KIAA1549L: variants seen among roughly 807,000 people sequenced by gnomAD.
KIAA1549L encodes UPF0606 protein KIAA1549L.
KIAA1549L carries 88 observed loss-of-function variants against 160.7 expected under a neutral mutation model. That is an observed-to-expected ratio of 0.55 (90% CI 0.46 to 0.65). The LOEUF is 0.65. Among genes scored for constraint, KIAA1549L ranks in the 30% least tolerant of loss-of-function variants. KIAA1549L has a pLI of 0.00. For missense variants in KIAA1549L, 2,258 were observed against 2,437.5 expected (o/e 0.93, Z 1.55); for synonymous variants, 950 against 976.7 (o/e 0.97, Z 0.51).
rs12288810 is a variant in KIAA1549L at position 33,659,654 on chromosome 11, T to C, written c.6007+756T>C. ...TTGCCAGCACTTAGTAAAGCATTCA[T>C]GGTGTCTAGAAATTCCACCAGTGAA... On this transcript the variant is annotated intron_variant, in intron 19 of 20. Coordinates refer to ENST00000658780, the MANE Select transcript of KIAA1549L (RefSeq NM_012194.3). Among the ~76,000 whole-genome samples, 747 of 152,372 alleles carry C rather than the reference T, an allele frequency of 4.9e-3. 7 individuals carry two copies. The highest frequency in any genetic ancestry group is 9.1e-3 in the African/African-American group (380 of 41,592).
chr11:33,377,329 C>G (rs959484795), intron 1 of KIAA1549L, among the ~76,000 whole-genome samples: 3 of 152,138 alleles, frequency 2.0e-5, no homozygotes, highest in African/African-American at 7.2e-5. Context: ...AACACAGTTT[C>G]TCCTGTGTTG....
chr11:33,495,934 A>G (rs1227152739), intron 1 of KIAA1549L, among the ~76,000 whole-genome samples: 1 of 151,986 alleles, frequency 6.6e-6, no homozygotes, highest in African/African-American at 2.4e-5. Flanking sequence ...TCTTTTGAGA[A>G]GTGTCTGTTC....
chr11:33,671,616 A>ACACACACACACACACACACC lies in KIAA1549L; in HGVS notation c.*3463_*3464insACACACACACACACACACCC, dbSNP rs1374560127. ...CACACACACACACACACACACACAC[A>ACACACACACACACACACACC]CCCTACTTCGGAGAGAGAATGTAGA... On this transcript the variant is annotated 3_prime_UTR_variant, in exon 21 of 21. Coordinates refer to ENST00000658780, the MANE Select transcript of KIAA1549L (RefSeq NM_012194.3). 7 of 150,878 alleles carry ACACACACACACACACACACC rather than the reference A, an allele frequency of 4.6e-5. No homozygotes were observed. The highest frequency in any genetic ancestry group is 1.7e-4 in the African/African-American group (7 of 40,754). The allele number at this position is 150,878 out of a possible 1,614,324, so 9.3% of individuals were successfully genotyped here. A position where few individuals can be genotyped will look rare whatever the true frequency, so the allele number is the denominator to read the frequency against.
intron 16 of KIAA1549L, among the ~76,000 whole-genome samples, chr11:33,631,171 A>T (rs533405796): frequency 2.6e-5 from 4 of 152,160 alleles, no homozygotes; most frequent in Admixed American, 1.3e-4. Flanking sequence ...CTCTTGTTCA[A>T]AATCCTCCAG....
intron 1 of KIAA1549L, among the ~76,000 whole-genome samples, chr11:33,525,432 T>C (rs10219258): frequency 0.21 from 31,259 of 152,014 alleles, 3,478 homozygotes; most frequent in East Asian, 0.34. Flanking sequence ...GTCCCTAGCT[T>C]GAGCCCAGGG....
chr11:33,542,808 G>C lies in KIAA1549L; in HGVS notation c.1245G>C (p.Glu415Asp). 1 of 1,613,902 alleles carries C rather than the reference G, an allele frequency of 6.2e-7. No individual in the cohort carries two copies. Among genetic ancestry groups the C allele is most frequent in the South Asian group, 1.1e-5 (1 of 91,078 alleles). ...AGAATACAGAAACAGCGACCCATGA[G>C]GCTGAGCCTCCACTTTTCCAGACTG... The part of the protein sequence containing the change: ...TFKNTETATH[E>D]AEPPLFQTAE... The change falls in exon 2 of 21, where the codon GAG (glutamate) becomes GAC (aspartate). Residue 415 changes from glutamate to aspartate, a missense_variant. Glu to Asp is a conservative substitution (Grantham distance 45). Around this residue, in one of 6 missense-constraint regions of KIAA1549L, gnomAD observed 540 missense variants for 465.7 expected, o/e 1.16. Coordinates refer to ENST00000658780, the MANE Select transcript of KIAA1549L (RefSeq NM_012194.3).
chr11:33,542,441 C>T lies in KIAA1549L; in HGVS notation c.878C>T (p.Pro293Leu). 2 of 1,600,500 alleles carry T rather than the reference C, an allele frequency of 1.2e-6. No homozygotes were observed. Among genetic ancestry groups the T allele is most frequent in the Non-Finnish European group, 1.7e-6 (2 of 1,172,382 alleles). ...CAGAACATAGCTAATCCCTTAATCC[C>T]ATTTTCTGATGAAATGGACCACACT... is the stretch of plus-strand genomic sequence containing the variant. ...LGQNIANPLI[P>L]FSDEMDHTAS... is the part of the protein sequence containing the mutation. Residue 293 changes from proline to leucine, a missense_variant, in exon 2 of 21, where the codon CCA becomes CTA. By Grantham distance (98) the Pro-to-Leu change is moderately conservative. Coordinates refer to ENST00000658780, the MANE Select transcript of KIAA1549L (RefSeq NM_012194.3).
intron 1 of KIAA1549L, among the ~76,000 whole-genome samples, chr11:33,425,598 G>C (rs1262570969): frequency 6.6e-6 from 1 of 152,164 alleles, no homozygotes; most frequent in Non-Finnish European, 1.5e-5. Context: ...GTACAATGAA[G>C]ACAGCATTTG....
chr11:33,549,381 G>T (rs1372450562), intron 4 of KIAA1549L, among the ~76,000 whole-genome samples: 1 of 152,144 alleles, frequency 6.6e-6, no homozygotes, highest in Non-Finnish European at 1.5e-5. Context: ...TTTAAAAAAG[G>T]AATTAGCAAG....
intron 1 of KIAA1549L, among the ~76,000 whole-genome samples, chr11:33,496,870 T>C (rs886596293): frequency 2.0e-5 from 3 of 152,212 alleles, no homozygotes; most frequent in African/African-American, 7.2e-5. Context: ...TCTTACTTTG[T>C]ATAATTCTTC....
intron 1 of KIAA1549L, among the ~76,000 whole-genome samples, chr11:33,527,831 C>T (rs1178191859): frequency 6.6e-6 from 1 of 152,148 alleles, no homozygotes; most frequent in African/African-American, 2.4e-5. Context: ...GTACATATTA[C>T]AAATGGTAAT....
intron 1 of KIAA1549L, among the ~76,000 whole-genome samples, chr11:33,528,281 ACCTTACT>A (rs1215684650): frequency 1.3e-5 from 2 of 152,292 alleles, no homozygotes; most frequent in East Asian, 3.9e-4. Context: ...ATGCAATACC[ACCTTACT>A]CCTGCAAGAA....
At chr11:33,564,284 C>T (rs1854973708) in intron 8 of KIAA1549L, among the ~76,000 whole-genome samples, 1 of 152,164 alleles carries the variant, frequency 6.6e-6, no homozygotes, top group Admixed American at 6.5e-5. Context: ...GCCTTTACTC[C>T]CAGACATGCA....
At chr11:33,554,315 A>G (rs1043916589) in intron 6 of KIAA1549L, among the ~76,000 whole-genome samples, 1 of 152,354 alleles carries the variant, frequency 6.6e-6, no homozygotes, top group South Asian at 2.1e-4. Flanking sequence ...AACAACTTGT[A>G]TAGGTTTGGT....
intron 1 of KIAA1549L, among the ~76,000 whole-genome samples, chr11:33,392,090 C>T (rs186436400): frequency 4.1e-4 from 62 of 152,236 alleles, no homozygotes; most frequent in Admixed American, 3.7e-3. Flanking sequence ...ATTGAGAGAA[C>T]ATGTAAAAAC....
At chr11:33,538,765 T>C (rs2133165681) in intron 1 of KIAA1549L, among the ~76,000 whole-genome samples, 1 of 152,348 alleles carries the variant, frequency 6.6e-6, no homozygotes, top group East Asian at 1.9e-4. Flanking sequence ...ATAGATATTT[T>C]ACATGTAGAT....
chr11:33,417,793 T>G (rs1397465937), intron 1 of KIAA1549L, among the ~76,000 whole-genome samples: 2 of 152,148 alleles, frequency 1.3e-5, no homozygotes, highest in Non-Finnish European at 2.9e-5. Flanking sequence ...TTTTTGTTTC[T>G]TTTCTACACA....
At chr11:33,547,930 G>C in intron 4 of KIAA1549L, 51 bp downstream of exon 4, 1 of 1,166,638 alleles carries the variant, frequency 8.6e-7, no homozygotes, top group Non-Finnish European at 1.3e-6. Flanking sequence ...CTGGCTCTTG[G>C]GTCTAGAATA....
intron 16 of KIAA1549L, among the ~76,000 whole-genome samples, chr11:33,630,109 G>GGTC (rs1233266117): frequency 6.6e-6 from 1 of 151,826 alleles, no homozygotes; most frequent in Admixed American, 6.5e-5. Context: ...AGGGGTCAGG[G>GGTC]ACCCACTTGA....
Sources: allele counts gnomAD v4.1 joint callset (sites outside exome capture counted in the v4.1 genomes callset), GRCh38; gene constraint gnomAD v4.1.1; regional missense constraint gnomAD v4.1.1; transcripts MANE v1.5; gene names NCBI Gene and HGNC (gene_info 2026-07-23, HGNC 2026-07-21).